The following HAVCR2 variants were observed in gnomAD, a reference collection of about 807,000 sequenced individuals.
HAVCR2 encodes T cell immunoglobulin mucin 3.
Under a neutral mutation model 24.7 loss-of-function variants are expected in HAVCR2, and 13 were observed. The ratio of observed to expected loss-of-function variants is 0.53; its 90% CI spans 0.34 to 0.84. HAVCR2 has a LOEUF of 0.84. Ranked by LOEUF, HAVCR2 falls within the 40% of genes least tolerant of loss-of-function variation. HAVCR2 has a pLI of 0.01. For synonymous variants in HAVCR2, 154 were observed against 143.4 expected, an observed-to-expected ratio of 1.07 and a Z score of -0.53; for missense variants, 343 against 371.2, an observed-to-expected ratio of 0.92 and a Z score of 0.62.
chr5:157,097,189 T>C (rs985032172), intron 4 of HAVCR2, among the ~76,000 whole-genome samples: 1 of 151,636 alleles, frequency 6.6e-6, no homozygotes, highest in Non-Finnish European at 1.5e-5. Flanking sequence ...GCATCAGTTG[T>C]GAATACACAA....
At chr5:157,091,051 G>A (rs1463872952) in intron 5 of HAVCR2, among the ~76,000 whole-genome samples, 1 of 152,186 alleles carries the variant, frequency 6.6e-6, no homozygotes, top group Non-Finnish European at 1.5e-5. Flanking sequence ...AAGAAGATCT[G>A]AAAAGCAATG....
chr5:157,091,657 C>T (rs9313442), intron 5 of HAVCR2, among the ~76,000 whole-genome samples: 9,143 of 152,046 alleles, frequency 0.06, 418 homozygotes, highest in Admixed American at 0.14. Flanking sequence ...GAGAGGAATG[C>T]ATGGACTAGA....
At position 157,106,780 on chromosome 5, in the gene HAVCR2, T is replaced by C. The variant is rs1205336670; in HGVS notation, c.241A>G (p.Arg81Gly). ...DERDVNYWTS[R>G]YWLNGDFRKG... is the part of the protein sequence containing the mutation. ...CGGAAATCCCCATTTAGCCAGTATC[T>C]GGATGTCCAATAATTCACATCCCTT... The change falls in exon 2 of 7, where the codon AGA becomes GGA. Residue 81 changes from arginine to glycine, a missense_variant. Transcript: ENST00000307851. 6.2e-7 allele frequency: 1 copy of C among 1,614,228 alleles called. No individual in the cohort carries two copies. Among genetic ancestry groups the C allele is most frequent in the African/African-American group, 1.3e-5 (1 of 75,064 alleles).
intron 4 of HAVCR2, among the ~76,000 whole-genome samples, chr5:157,097,400 T>C (rs1757108219): frequency 6.6e-6 from 1 of 151,742 alleles, no homozygotes; most frequent in South Asian, 2.1e-4. Flanking sequence ...AACTACAGGT[T>C]TGCAGCACCA....
chr5:157,103,877 T>C (rs952678218), intron 3 of HAVCR2, among the ~76,000 whole-genome samples: 1 of 152,238 alleles, frequency 6.6e-6, no homozygotes, highest in African/African-American at 2.4e-5. Flanking sequence ...AATCTCACTG[T>C]GCCTCCTGAT....
At chr5:157,095,504 C>T (rs777383129) in intron 4 of HAVCR2, 45 bp from the exon 5 acceptor site, 9 of 1,608,592 alleles carry the variant, frequency 5.6e-6, no homozygotes, top group African/African-American at 2.7e-5. Flanking sequence ...AGCTAGAAAT[C>T]GCTTGTGTAA....
chr5:157,087,302 A>C lies in HAVCR2; in HGVS notation c.714-8T>G, dbSNP rs1314245658. 6.2e-7 allele frequency: 1 copy of C among 1,600,256 alleles called. No homozygotes were observed. Among genetic ancestry groups the C allele is most frequent in the Non-Finnish European group, 8.5e-7 (1 of 1,175,182 alleles). ...TTGGCCAAAGAGATGAGGCTGTGGA[A>C]ATAAAGTGTTGCGGTTGAGTTAAGC... On this transcript the variant is annotated splice_region_variant and splice_polypyrimidine_tract_variant and intron_variant, in intron 6 of 6. Transcript: ENST00000307851.
At chr5:157,098,526 G>T (rs1581759643) in intron 4 of HAVCR2, among the ~76,000 whole-genome samples, 1 of 152,178 alleles carries the variant, frequency 6.6e-6, no homozygotes, top group African/African-American at 2.4e-5. Context: ...AAGAAGAATG[G>T]TATTCTAGGG....
At chr5:157,095,522 C>G in intron 4 of HAVCR2, 63 bp from the exon 5 acceptor site, 3 of 1,583,950 alleles carry the variant, frequency 1.9e-6, no homozygotes, top group Non-Finnish European at 2.6e-6. Flanking sequence ...TAATCAGCTT[C>G]AAGATTTGTG....
intron 5 of HAVCR2, among the ~76,000 whole-genome samples, chr5:157,089,467 C>T (rs1412561508): frequency 5.3e-5 from 8 of 150,284 alleles, no homozygotes; most frequent in East Asian, 4.0e-4. Context: ...ACCCGGGAGA[C>T]GGAGGTTGCG....
intron 5 of HAVCR2, among the ~76,000 whole-genome samples, chr5:157,092,911 A>T (rs1581756412): frequency 8.0e-6 from 1 of 124,902 alleles, no homozygotes; most frequent in Admixed American, 8.9e-5. Flanking sequence ...AAAAAAAAAA[A>T]AAAAAAACTA....
At chr5:157,103,243 C>A (rs1053767412) in intron 3 of HAVCR2, among the ~76,000 whole-genome samples, 1 of 151,728 alleles carries the variant, frequency 6.6e-6, no homozygotes, top group African/African-American at 2.4e-5. Context: ...TGATGGTGGG[C>A]GCCTGTAGTC....
At chr5:157,095,172 G>A in intron 5 of HAVCR2, 134 bp downstream of exon 5, 1 of 895,844 alleles carries the variant, frequency 1.1e-6, no homozygotes, top group East Asian at 2.6e-5. Flanking sequence ...TTATTGTTAG[G>A]ATTTGGATGG....
Position 157,087,066 on chromosome 5 carries a change from G to A in HAVCR2, c.*36C>T. 1 of 1,599,690 alleles carries A rather than the reference G, an allele frequency of 6.3e-7. No homozygotes were observed. The highest frequency in any genetic ancestry group is 8.5e-7 in the Non-Finnish European group (1 of 1,171,136). On this transcript the variant is annotated 3_prime_UTR_variant, in exon 7 of 7. Transcript: ENST00000307851. ...GACACAGCTCATAGTTTCTGAAAAAGACAAAACACCAAGCTCAAAAATAAG... is the reference window on the plus strand; with the variant it reads ...GACACAGCTCATAGTTTCTGAAAAAAACAAAACACCAAGCTCAAAAATAAG...
intron 6 of HAVCR2, 147 bp from the exon 7 acceptor site, chr5:157,087,441 AT>A (rs1554094995): frequency 2.1e-6 from 1 of 487,170 alleles, no homozygotes; most frequent in Non-Finnish European, 3.2e-6. Context: ...AAGCCAAGAA[AT>A]AGCAATAAAA....
In HAVCR2 at chr5:157,106,849, A is replaced by G. The variant is rs201750016; in HGVS notation, c.172T>C (p.Cys58Arg). ...ACGTTGCCACATTCAAACACAGGACAGGCTCCTTTGCCCCAGCAGACGGGC... is the reference window on the plus strand; with the variant it reads ...ACGTTGCCACATTCAAACACAGGACGGGCTCCTTTGCCCCAGCAGACGGGC... ...LVPVCWGKGA[C>R]PVFECGNVVL... Residue 58 changes from cysteine (C) to arginine (R), a missense_variant, in exon 2 of 7, where the codon TGT (cysteine) becomes CGT (arginine). Physicochemically the swap from Cys to Arg is radical, Grantham distance 180. Coordinates refer to ENST00000307851, the MANE Select transcript of HAVCR2 (RefSeq NM_032782.5). The G allele has an allele frequency of 1.4e-5, 22 of 1,614,084 alleles. No homozygotes were observed. The highest frequency in any genetic ancestry group is 1.8e-5 in the Non-Finnish European group (21 of 1,180,038).
chr5:157,108,945 C>T lies in HAVCR2; in HGVS notation c.39G>A (p.Leu13=), dbSNP rs1400060072. The T allele has an allele frequency of 1.2e-6, 2 of 1,614,018 alleles. No homozygotes were observed. Among genetic ancestry groups the T allele is most frequent in the African/African-American group, 2.7e-5 (2 of 74,940 alleles). ...SHLPFDCVLL[L]LLLLLTRSSE... ...ACTTACTTGTAAGTAGTAGCAGCAGCAGCAGCAGGACACAGTCAAAGGGAA... is the reference window on the plus strand; with the variant it reads ...ACTTACTTGTAAGTAGTAGCAGCAGTAGCAGCAGGACACAGTCAAAGGGAA... The change falls in exon 1 of 7, where the codon CTG becomes CTA. Residue 13 remains leucine (L), a synonymous_variant. Coordinates refer to ENST00000307851, the MANE Select transcript of HAVCR2 (RefSeq NM_032782.5).
In HAVCR2 at chr5:157,108,936, T is replaced by TAGCAGC. The variant is rs749353244; in HGVS notation, c.42_47dup (p.Leu17_Leu18dup). On this transcript the variant is annotated inframe_insertion, in exon 1 of 7. Coordinates refer to ENST00000307851, the MANE Select transcript of HAVCR2 (RefSeq NM_032782.5). ...CATGCCGAGACTTACTTGTAAGTAGTAGCAGCAGCAGCAGCAGGACACAGT... is the reference window on the plus strand; with the variant it reads ...CATGCCGAGACTTACTTGTAAGTAGTAGCAGCAGCAGCAGCAGCAGCAGGACACAGT... 6.2e-7 allele frequency: 1 copy of TAGCAGC among 1,612,590 alleles called. No homozygotes were observed. The highest frequency in any genetic ancestry group is 1.1e-5 in the South Asian group (1 of 90,922).
rs1757066407 is a variant in HAVCR2 at position 157,094,673 on chromosome 5, G to A, written c.676+633C>T. Among the ~76,000 whole-genome samples, 3 of 151,738 alleles carry A rather than the reference G, an allele frequency of 2.0e-5. No homozygotes were observed. The South Asian group carries it at 6.2e-4, about 32-fold the overall frequency. On this transcript the variant is annotated intron_variant, in intron 5 of 6. Coordinates refer to ENST00000307851, the MANE Select transcript of HAVCR2 (RefSeq NM_032782.5). Reference sequence around the variant, plus strand: ...GCTGGGATTACAGGCGTGAGCCACTGCGCCGGGCCTGTTTTTTTGTTTTTG... The same window carrying A: ...GCTGGGATTACAGGCGTGAGCCACTACGCCGGGCCTGTTTTTTTGTTTTTG...
Sources: gnomAD v4.1 joint callset for allele counts (sites outside exome capture counted in the v4.1 genomes callset) on GRCh38, gnomAD v4.1.1 for gene constraint, MANE v1.5 for transcripts, NCBI Gene and HGNC (gene_info 2026-07-23, HGNC 2026-07-21) for gene names.